Variants in TRIM63 observed in about 807,000 individuals in gnomAD.
TRIM63 encodes E3 ubiquitin-protein ligase TRIM63.
In TRIM63, 48 loss-of-function variants were observed where a neutral mutation model predicts 46.0. The ratio of observed to expected loss-of-function variants is 1.04; its 90% CI spans 0.83 to 1.33. TRIM63 has a LOEUF of 1.33. Ranked by LOEUF, TRIM63 falls within the 40% of genes most tolerant of loss-of-function variation. TRIM63 has a pLI of 0.00. For synonymous variants in TRIM63, 175 were observed against 162.8 expected (o/e 1.08, Z -0.57); for missense variants, 455 against 441.2 (o/e 1.03, Z -0.28).
chr1:26,052,836 C>A (rs1375804002), intron 8 of TRIM63, among the ~76,000 whole-genome samples: 4 of 152,160 alleles, frequency 2.6e-5, no homozygotes, highest in African/African-American at 9.7e-5. Context: ...TCAAGTCCAG[C>A]ATTGTTTGCT....
At position 26,061,291 on chromosome 1, in the gene TRIM63, C is replaced by T. The variant is rs139426966; in HGVS notation, c.376G>A (p.Glu126Lys). ...KGSHPMCKEHEDEKINIYCLT... is the reference protein window; with the variant it reads ...KGSHPMCKEHKDEKINIYCLT... The stretch of plus-strand genomic sequence containing the variant: ...CAGTAGATGTTGATTTTCTCATCTT[C>T]GTGCTCCTTGCACATGGGGTGACTG... The change falls in exon 3 of 9, where the codon GAA (glutamate) becomes AAA (lysine). Residue 126 changes from glutamate to lysine, a missense_variant. Physicochemically the swap from Glu to Lys is moderately conservative, Grantham distance 56 (BLOSUM62 1). Transcript: ENST00000374272. The T allele has an allele frequency of 1.7e-5, 28 of 1,614,082 alleles. No homozygotes were observed. The highest frequency in any genetic ancestry group is 2.7e-5 in the African/African-American group (2 of 74,942).
intron 2 of TRIM63, among the ~76,000 whole-genome samples, chr1:26,064,642 A>G (rs2050658314): frequency 6.6e-6 from 1 of 152,194 alleles, no homozygotes; most frequent in Non-Finnish European, 1.5e-5. Context: ...CCTGCACACA[A>G]TAGGTACCCA....
In TRIM63 at chr1:26,054,000, G is replaced by A. The variant is rs766867879; in HGVS notation, c.980-36C>T. 18 of 1,459,030 alleles carry A rather than the reference G, an allele frequency of 1.2e-5. 1 individual carries two copies. Among genetic ancestry groups the A allele is most frequent in the African/African-American group, 2.9e-5 (2 of 69,468 alleles). The allele number at this position is 1,459,030 out of a possible 1,614,324, so 90.4% of individuals were successfully genotyped here. A position where few individuals can be genotyped will look rare whatever the true frequency, so the allele number is the denominator to read the frequency against. Reference sequence around the variant, plus strand: ...AAAACATTTGTGTTAGGATGGGGCCGGTTCCTTGAGGAGCTACTTGAAGAG... The same window carrying A: ...AAAACATTTGTGTTAGGATGGGGCCAGTTCCTTGAGGAGCTACTTGAAGAG... On this transcript the variant is annotated intron_variant, in intron 7 of 8. Transcript: ENST00000374272.
chr1:26,062,267 T>A, intron 2 of TRIM63, among the ~76,000 whole-genome samples: 1 of 120,572 alleles, frequency 8.3e-6, no homozygotes, highest in Non-Finnish European at 1.6e-5. Flanking sequence ...CAAAACTCCG[T>A]CTCAAAAAAA....
At chr1:26,061,582 C>G (rs1219902985) in intron 2 of TRIM63, among the ~76,000 whole-genome samples, 1 of 152,194 alleles carries the variant, frequency 6.6e-6, no homozygotes, top group Non-Finnish European at 1.5e-5. Context: ...CAAATCTGTC[C>G]CCACATCCTA....
rs1481067609 is a variant in TRIM63, at chr1:26,057,682, C to T, written c.832-32G>A. ...GGGGAGAGAGAACAAAGGATTAGGA[C>T]CGCAGAAGAGGTAACCGCAGGAAAT... On this transcript the variant is annotated intron_variant, in intron 5 of 8. Coordinates refer to ENST00000374272, the MANE Select transcript of TRIM63 (RefSeq NM_032588.4). The T allele has an allele frequency of 5.0e-6, 8 of 1,591,618 alleles. No homozygotes were observed. The Admixed American group carries it at 1.5e-4, about 29-fold the overall frequency.
At chr1:26,056,776 T>G (rs1251645778) in intron 7 of TRIM63, among the ~76,000 whole-genome samples, 10 of 139,126 alleles carry the variant, frequency 7.2e-5, no homozygotes, top group Non-Finnish European at 3.1e-5. Context: ...TTTTTTTTTT[T>G]GAGATGGAGT....
intron 4 of TRIM63, 126 bp from the exon 5 acceptor site, chr1:26,058,749 T>C (rs2050595536): frequency 4.1e-6 from 3 of 727,102 alleles, no homozygotes; most frequent in Admixed American, 5.0e-5. Flanking sequence ...ATCCCCACAC[T>C]ACAGAAGAAG....
In TRIM63 at chr1:26,053,975, A is replaced by T; in HGVS notation, c.980-11T>A. 1.3e-6 allele frequency: 2 copies of T among 1,575,166 alleles called. No individual in the cohort carries two copies. Among genetic ancestry groups the T allele is most frequent in the African/African-American group, 1.4e-5 (1 of 72,112 alleles). On this transcript the variant is annotated splice_polypyrimidine_tract_variant and intron_variant, in intron 7 of 8. Transcript: ENST00000374272. Reference sequence around the variant, plus strand: ...CTTCCTCTTCCTCATCTGTGACAAAAAAACATTTGTGTTAGGATGGGGCCG... The same window carrying T: ...CTTCCTCTTCCTCATCTGTGACAAATAAACATTTGTGTTAGGATGGGGCCG...
chr1:26,054,042 AGCACGGTCTAAAC>A lies in TRIM63; in HGVS notation c.980-91_980-79del, dbSNP rs758730353. ...CTTGAAGAGGAACCAGGCAAGAGAGAGCACGGTCTAAACCCCTTCCTGTGCCCAGTCGGGTCAA... is the reference window on the plus strand; with the variant it reads ...CTTGAAGAGGAACCAGGCAAGAGAGACCCTTCCTGTGCCCAGTCGGGTCAA... On this transcript the variant is annotated intron_variant, in intron 7 of 8. Coordinates refer to ENST00000374272, the MANE Select transcript of TRIM63 (RefSeq NM_032588.4). The A allele has an allele frequency of 7.8e-4, 834 of 1,072,868 alleles. 3 individuals are homozygous for A. The highest frequency in any genetic ancestry group is 4.8e-3 in the Middle Eastern group (22 of 4,542). The allele number at this position is 1,072,868 out of a possible 1,614,324, so 66.5% of individuals were successfully genotyped here. A position where few individuals can be genotyped will look rare whatever the true frequency, so the allele number is the denominator to read the frequency against.
intron 4 of TRIM63, among the ~76,000 whole-genome samples, chr1:26,059,784 C>G (rs776285032): frequency 3.3e-5 from 5 of 152,212 alleles, no homozygotes; most frequent in Non-Finnish European, 5.9e-5. Flanking sequence ...AACATGTGGT[C>G]TGTGGACCCA....
At chr1:26,063,636 CA>C (rs1478077036) in intron 2 of TRIM63, among the ~76,000 whole-genome samples, 1 of 152,216 alleles carries the variant, frequency 6.6e-6, no homozygotes, top group African/African-American at 2.4e-5. Context: ...CAGACTTTGG[CA>C]TCGGGGTTCA....
rs779566429 is a variant in TRIM63 at position 26,061,205 on chromosome 1, G to A, written c.462C>T (p.Cys154=). 2.5e-5 allele frequency: 41 copies of A among 1,614,016 alleles called. No homozygotes were observed. The highest frequency in any genetic ancestry group is 1.6e-4 in the South Asian group (15 of 91,086). Residue 154 remains cysteine (C), a synonymous_variant, in exon 3 of 9, where the codon TGC becomes TGT. Coordinates refer to ENST00000374272, the MANE Select transcript of TRIM63 (RefSeq NM_032588.4). ...MCKVFGIHKA[C]EVAPLQSVFQ... The stretch of plus-strand genomic sequence containing the variant: ...AGACACTCTGCAATGGGGCCACCTC[G>A]CAGGCCTTGTGGATCCCAAACACCT...
chr1:26,051,799 C>G lies in TRIM63; in HGVS notation c.*74G>C. 7 of 275,548 alleles carry G rather than the reference C, an allele frequency of 2.5e-5. No homozygotes were observed. Among genetic ancestry groups the G allele is most frequent in the Non-Finnish European group, 4.2e-5 (6 of 142,502 alleles). The allele number at this position is 275,548 out of a possible 1,614,324, so 17.1% of individuals were successfully genotyped here. A position where few individuals can be genotyped will look rare whatever the true frequency, so the allele number is the denominator to read the frequency against. On this transcript the variant is annotated 3_prime_UTR_variant, in exon 9 of 9. Coordinates refer to ENST00000374272, the MANE Select transcript of TRIM63 (RefSeq NM_032588.4). ...CCGACCCCTCCCACCCTGGGCCTGT[C>G]ACCAAGGCCGCTGGGCCCCTCCCCA...
At chr1:26,066,505 C>T in intron 1 of TRIM63, 65 bp from the exon 2 acceptor site, 1 of 1,408,726 alleles carries the variant, frequency 7.1e-7, no homozygotes, top group Non-Finnish European at 9.4e-7. Flanking sequence ...TTTCTAATCT[C>T]CTCTTATCCT....
At position 26,058,543 on chromosome 1, in the gene TRIM63, C is replaced by T. The variant is rs1302508169; in HGVS notation, c.678G>A (p.Glu226=). Residue 226 remains glutamate, a synonymous_variant, in exon 5 of 9, where the codon GAG becomes GAA. Coordinates refer to ENST00000374272, the MANE Select transcript of TRIM63 (RefSeq NM_032588.4). ...GCTCCTGCGTGATCCGCTGCAGCAA[C>T]TCACTTTTCTTCTCATCCAGGATGG... The part of the protein sequence containing the change: ...LYAILDEKKS[E]LLQRITQEQE... The T allele has an allele frequency of 6.2e-7, 1 of 1,614,222 alleles. No individual in the cohort carries two copies. Among genetic ancestry groups the T allele is most frequent in the South Asian group, 1.1e-5 (1 of 91,080 alleles).
intron 8 of TRIM63, 103 bp downstream of exon 8, chr1:26,053,790 G>T (rs184760712): frequency 1.1e-6 from 1 of 870,782 alleles, no homozygotes; most frequent in Non-Finnish European, 1.8e-6. Context: ...AGTTCTGAGC[G>T]TCATTGCCAA....
chr1:26,052,208 C>T (rs1197943798), intron 8 of TRIM63, among the ~76,000 whole-genome samples: 2 of 152,140 alleles, frequency 1.3e-5, no homozygotes, highest in African/African-American at 4.8e-5. Flanking sequence ...CCGTGCTAAA[C>T]GATTATCTTA....
intron 7 of TRIM63, 106 bp downstream of exon 7, chr1:26,057,097 G>T: frequency 7.1e-7 from 1 of 1,401,934 alleles, no homozygotes; most frequent in Non-Finnish European, 9.7e-7. Context: ...TGATATTTGG[G>T]GATCTTTATT....
Sources: gnomAD v4.1 joint callset for allele counts (sites outside exome capture counted in the v4.1 genomes callset) on GRCh38, gnomAD v4.1.1 for gene constraint, MANE v1.5 for transcripts, NCBI Gene and HGNC (gene_info 2026-07-23, HGNC 2026-07-21) for gene names.